Variants in CRADD observed in about 807,000 individuals in gnomAD.
CRADD encodes the protein death domain-containing protein CRADD.
A neutral mutation model predicts 15.5 loss-of-function variants in CRADD; 9 were observed. The observed-to-expected ratio is 0.58, with a 90% CI of 0.35 to 1.01. CRADD has a LOEUF of 1.01. Ranked by LOEUF, CRADD falls within the 50% of genes least tolerant of loss-of-function variation. The pLI is 0.02. For synonymous variants in CRADD, 118 were observed against 107.6 expected (o/e 1.10, Z -0.60); for missense variants, 227 against 250.3 (o/e 0.91, Z 0.63).
intron 2 of CRADD, among the ~76,000 whole-genome samples, chr12:93,826,449 T>C (rs1350525859): frequency 6.6e-6 from 1 of 152,238 alleles, no homozygotes; most frequent in Non-Finnish European, 1.5e-5. Flanking sequence ...CTCGGAGAGA[T>C]GTCAGGATCC....
intron 2 of CRADD, among the ~76,000 whole-genome samples, chr12:93,779,887 C>A (rs1195865319): frequency 6.6e-6 from 1 of 152,128 alleles, no homozygotes; most frequent in African/African-American, 2.4e-5. Flanking sequence ...CCGCGCCTGG[C>A]CCAGGAACCA....
chr12:93,832,856 T>C (rs777627143), intron 2 of CRADD, among the ~76,000 whole-genome samples: 4 of 152,240 alleles, frequency 2.6e-5, no homozygotes, highest in Non-Finnish European at 4.4e-5. Context: ...TAATAACCTG[T>C]GAAGAAGCAG....
intron 2 of CRADD, among the ~76,000 whole-genome samples, chr12:93,752,734 G>T (rs148910913): frequency 6.6e-6 from 1 of 152,160 alleles, no homozygotes; most frequent in South Asian, 2.1e-4. Flanking sequence ...GGCAGGGGGG[G>T]CCTCATAATC....
At chr12:93,868,679 C>G (rs1185083008) in intron 2 of CRADD, among the ~76,000 whole-genome samples, 1 of 150,322 alleles carries the variant, frequency 6.7e-6, no homozygotes, top group Non-Finnish European at 1.5e-5. Context: ...CTCCCTCTCT[C>G]TCTCTTGCAC....
At chr12:93,878,913 C>T (rs1395772603) in intron 2 of CRADD, among the ~76,000 whole-genome samples, 1 of 152,036 alleles carries the variant, frequency 6.6e-6, no homozygotes, top group Non-Finnish European at 1.5e-5. Flanking sequence ...TTTTTTTCTG[C>T]GTAGATCGTT....
At chr12:93,778,346 G>A (rs759627871) in intron 2 of CRADD, among the ~76,000 whole-genome samples, 2 of 152,156 alleles carry the variant, frequency 1.3e-5, no homozygotes, top group African/African-American at 2.4e-5. Context: ...GATTCAGAGC[G>A]CGAGGGAAAG....
At chr12:93,687,762 T>C (rs1032336126) in intron 2 of CRADD, among the ~76,000 whole-genome samples, 3 of 152,214 alleles carry the variant, frequency 2.0e-5, no homozygotes, top group Non-Finnish European at 4.4e-5. Context: ...CAAATCCTTT[T>C]ATTCCTTGAA....
At chr12:93,726,924 A>G (rs914925817) in intron 2 of CRADD, among the ~76,000 whole-genome samples, 20 of 152,226 alleles carry the variant, frequency 1.3e-4, no homozygotes, top group African/African-American at 4.6e-4. Context: ...CGATAACAAG[A>G]CGAAGCAGGA....
intron 2 of CRADD, among the ~76,000 whole-genome samples, chr12:93,820,251 C>A (rs1337543158): frequency 1.3e-5 from 2 of 152,228 alleles, no homozygotes; most frequent in African/African-American, 4.8e-5. Flanking sequence ...TTCTAGCTTG[C>A]CATCTTGGTT....
chr12:93,823,298 C>CAAAAAA (rs66639212), intron 2 of CRADD, among the ~76,000 whole-genome samples: 1 of 139,796 alleles, frequency 7.2e-6, no homozygotes. Flanking sequence ...GTCTCAAAAA[C>CAAAAAA]AAAAAAAAAA....
chr12:93,821,063 G>A (rs1957764085), intron 2 of CRADD, among the ~76,000 whole-genome samples: 1 of 152,242 alleles, frequency 6.6e-6, no homozygotes, highest in African/African-American at 2.4e-5. Context: ...ATTTTGCATG[G>A]CTCACAGCAT....
chr12:93,857,732 G>A (rs1361531259), intron 2 of CRADD, among the ~76,000 whole-genome samples: 2 of 152,252 alleles, frequency 1.3e-5, no homozygotes, highest in South Asian at 2.1e-4. Flanking sequence ...CTCCCTGTTC[G>A]GAGATCACAT....
intron 2 of CRADD, among the ~76,000 whole-genome samples, chr12:93,765,451 T>C (rs535386117): frequency 6.6e-6 from 1 of 152,328 alleles, no homozygotes; most frequent in South Asian, 2.1e-4. Context: ...ATTCACAAAG[T>C]GTACCTGAGG....
chr12:93,731,781 G>C (rs1565892437), intron 2 of CRADD, among the ~76,000 whole-genome samples: 1 of 152,128 alleles, frequency 6.6e-6, no homozygotes, highest in South Asian at 2.1e-4. Context: ...TTTCTGATAG[G>C]GAGACAATCA....
At chr12:93,873,842 T>C (rs1229570806) in intron 2 of CRADD, among the ~76,000 whole-genome samples, 1 of 152,110 alleles carries the variant, frequency 6.6e-6, no homozygotes, top group Non-Finnish European at 1.5e-5. Context: ...TTTGCATAAA[T>C]ATCCATCAGA....
At chr12:93,792,446 T>G (rs1288855220) in intron 2 of CRADD, among the ~76,000 whole-genome samples, 2 of 152,150 alleles carry the variant, frequency 1.3e-5, no homozygotes, top group African/African-American at 4.8e-5. Flanking sequence ...AGTGAATAGT[T>G]TGGTTATATT....
intron 2 of CRADD, among the ~76,000 whole-genome samples, chr12:93,711,881 G>C (rs1956081076): frequency 6.6e-6 from 1 of 151,882 alleles, no homozygotes; most frequent in Non-Finnish European, 1.5e-5. Flanking sequence ...TCAGCCTCCT[G>C]AGTAGTTGGG....
At chr12:93,850,987 C>G (rs968146810), downstream of CRADD, among the ~76,000 whole-genome samples, 1 of 152,072 alleles carries the variant, frequency 6.6e-6, no homozygotes, top group African/African-American at 2.4e-5. This position sits in a 1 kb window ranked among gnomAD's most constrained non-coding sequence, Gnocchi z 4.0. Flanking sequence ...ATACCCGAGC[C>G]CTTCATCTTT....
chr12:93,803,736 C>G (rs1041955706), intron 2 of CRADD, among the ~76,000 whole-genome samples: 4 of 151,648 alleles, frequency 2.6e-5, no homozygotes, highest in African/African-American at 9.7e-5. Flanking sequence ...ATGTTCATGC[C>G]TGAGTCCTTA....
Sources: gnomAD v4.1 joint callset for allele counts (sites outside exome capture counted in the v4.1 genomes callset) on GRCh38, gnomAD v4.1.1 for gene constraint, Gnocchi (gnomAD v3.1) non-coding constraint, MANE v1.5 for transcripts, NCBI Gene and HGNC (gene_info 2026-07-23, HGNC 2026-07-21) for gene names.